The following NEDD4L variants were observed in gnomAD, a reference collection of about 807,000 sequenced individuals.
The protein encoded by NEDD4L is NEDD4 like E3 ubiquitin protein ligase.
NEDD4L carries 54 observed loss-of-function variants against 148.9 expected under a neutral mutation model. The observed-to-expected ratio is 0.36, with a 90% CI of 0.29 to 0.45. NEDD4L has a LOEUF of 0.45. Ranked by LOEUF, NEDD4L falls within the 20% of genes least tolerant of loss-of-function variation. The pLI is 1.00. For synonymous variants in NEDD4L, 433 were observed against 440.7 expected, an observed-to-expected ratio of 0.98 and a Z score of 0.22; for missense variants, 856 against 1,233.8, an observed-to-expected ratio of 0.69 and a Z score of 4.59.
intron 30 of NEDD4L, among the ~76,000 whole-genome samples, chr18:58,392,553 G>A (rs566012159): frequency 2.6e-5 from 4 of 151,224 alleles, no homozygotes; most frequent in South Asian, 4.2e-4. Flanking sequence ...TTTTCTATTC[G>A]TACCATTCAC....
At chr18:58,279,537 A>T (rs544338028) in intron 5 of NEDD4L, among the ~76,000 whole-genome samples, 2 of 152,304 alleles carry the variant, frequency 1.3e-5, no homozygotes, top group East Asian at 3.9e-4. Flanking sequence ...TACACGATTG[A>T]GAGGAAAAGA....
intron 24 of NEDD4L, among the ~76,000 whole-genome samples, chr18:58,381,300 T>C (rs1276178597): frequency 1.3e-5 from 2 of 152,210 alleles, no homozygotes; most frequent in African/African-American, 4.8e-5. Context: ...GCTTATTTTC[T>C]CTCTCATCCC....
intron 30 of NEDD4L, among the ~76,000 whole-genome samples, chr18:58,395,067 G>T (rs1361900685): frequency 6.6e-6 from 1 of 152,194 alleles, no homozygotes; most frequent in African/African-American, 2.4e-5. Flanking sequence ...TGAAATAGGG[G>T]TGAAGCATTA....
At chr18:58,356,228 G>T (rs945769127) in intron 18 of NEDD4L, among the ~76,000 whole-genome samples, 6 of 151,872 alleles carry the variant, frequency 4.0e-5, no homozygotes, top group Admixed American at 6.5e-5. Flanking sequence ...AAAGTATTGG[G>T]ATTACAGGCA....
chr18:58,338,530 A>G (rs2042047418), intron 13 of NEDD4L, among the ~76,000 whole-genome samples: 2 of 152,348 alleles, frequency 1.3e-5, no homozygotes, highest in South Asian at 2.1e-4. Context: ...TCAATAGAAG[A>G]GAGAATGAGC....
At chr18:58,317,413 G>A (rs1415636189) in intron 6 of NEDD4L, among the ~76,000 whole-genome samples, 1 of 152,194 alleles carries the variant, frequency 6.6e-6, no homozygotes, top group Non-Finnish European at 1.5e-5. Context: ...CTTTTAGACA[G>A]TGTTGGTTGA....
intron 2 of NEDD4L, among the ~76,000 whole-genome samples, chr18:58,205,230 T>C (rs1426255293): frequency 1.3e-5 from 2 of 152,234 alleles, no homozygotes; most frequent in Non-Finnish European, 2.9e-5. Flanking sequence ...CACCAGCTTC[T>C]AGCTAGCACA....
chr18:58,127,251 C>T (rs2031282396), intron 1 of NEDD4L, among the ~76,000 whole-genome samples: 1 of 152,226 alleles, frequency 6.6e-6, no homozygotes, highest in South Asian at 2.1e-4. Context: ...TGTAGGTGCT[C>T]CGTAGACACA....
At chr18:58,139,996 G>T (rs1359713458) in intron 1 of NEDD4L, among the ~76,000 whole-genome samples, 1 of 152,172 alleles carries the variant, frequency 6.6e-6, no homozygotes, top group Non-Finnish European at 1.5e-5. Context: ...ATGGACATTG[G>T]TTCAGTGCTC....
intron 1 of NEDD4L, among the ~76,000 whole-genome samples, chr18:58,109,572 G>GTTT (rs869167759): frequency 8.5e-5 from 10 of 117,642 alleles, no homozygotes; most frequent in East Asian, 2.3e-4. Flanking sequence ...TTTTTTTTTT[G>GTTT]TTTTTTTTTT....
chr18:58,179,480 G>T (rs2038577995), intron 2 of NEDD4L, among the ~76,000 whole-genome samples: 1 of 152,038 alleles, frequency 6.6e-6, no homozygotes, highest in African/African-American at 2.4e-5. Flanking sequence ...GTAGAGCAGG[G>T]GTCTCCAACT....
At chr18:58,310,449 T>C (rs1277291758) in intron 5 of NEDD4L, among the ~76,000 whole-genome samples, 3 of 152,260 alleles carry the variant, frequency 2.0e-5, no homozygotes, top group Admixed American at 6.5e-5. Context: ...GGTAGGAGTA[T>C]GTGCATTCAG....
intron 30 of NEDD4L, among the ~76,000 whole-genome samples, chr18:58,395,463 A>T (rs1307046568): frequency 6.6e-6 from 1 of 152,074 alleles, no homozygotes; most frequent in African/African-American, 2.4e-5. Flanking sequence ...GAAAACCCTC[A>T]CTATTGCCAG....
intron 5 of NEDD4L, among the ~76,000 whole-genome samples, chr18:58,286,841 G>A (rs1012753768): frequency 2.6e-5 from 4 of 152,164 alleles, no homozygotes; most frequent in African/African-American, 7.2e-5. Flanking sequence ...CCCGGGAGGC[G>A]CTCCTTATGT....
At chr18:58,189,037 T>C (rs2039794810) in intron 2 of NEDD4L, among the ~76,000 whole-genome samples, 1 of 152,074 alleles carries the variant, frequency 6.6e-6, no homozygotes, top group African/African-American at 2.4e-5. Flanking sequence ...GGCTTTGTGA[T>C]CCCCTGACAG....
chr18:58,168,451 A>G (rs2037136673), intron 2 of NEDD4L, among the ~76,000 whole-genome samples: 1 of 152,242 alleles, frequency 6.6e-6, no homozygotes, highest in Non-Finnish European at 1.5e-5. Flanking sequence ...ATTAGTGTAC[A>G]ACAAGGATAA....
chr18:58,063,628 C>T (rs9959036), intron 1 of NEDD4L, among the ~76,000 whole-genome samples: 121,470 of 150,088 alleles, frequency 0.81, 49,665 homozygotes, highest in East Asian at 1. Context: ...TGCAGTGGTG[C>T]GATCTCGGCT....
In NEDD4L at chr18:58,325,124, C is replaced by T. The variant is rs2059195808; in HGVS notation, c.642C>T (p.His214=). The T allele has an allele frequency of 6.2e-7, 1 of 1,613,928 alleles. No homozygotes were observed. The highest frequency in any genetic ancestry group is 8.5e-7 in the Non-Finnish European group (1 of 1,179,908). Residue 214 remains histidine, a synonymous_variant, in exon 9 of 31, where the codon CAC becomes CAT. Transcript: ENST00000400345. The part of the protein sequence containing the change: ...DNLGRTYYVN[H]NNRTTQWHRP... ...TAGGCCGAACTTACTATGTCAACCA[C>T]AACAACCGGACCACTCAGTGGCACA...
At chr18:58,047,803 T>A (rs1186072532) in intron 1 of NEDD4L, among the ~76,000 whole-genome samples, 1 of 152,182 alleles carries the variant, frequency 6.6e-6, no homozygotes, top group Non-Finnish European at 1.5e-5. Flanking sequence ...GATTTCTTGT[T>A]TTATTTCTTT....
Sources: allele counts gnomAD v4.1 joint callset (sites outside exome capture counted in the v4.1 genomes callset), GRCh38; gene constraint gnomAD v4.1.1; transcripts MANE v1.5; gene names NCBI Gene and HGNC (gene_info 2026-07-23, HGNC 2026-07-21).